Variants in ALOXE3 observed in about 807,000 individuals in gnomAD.
ALOXE3 encodes the protein arachidonate epidermal lipoxygenase 3.
ALOXE3 carries 78 observed loss-of-function variants against 87.5 expected under a neutral mutation model. The ratio of observed to expected loss-of-function variants is 0.89; its 90% CI spans 0.74 to 1.08. The LOEUF is 1.08. Ranked by LOEUF, ALOXE3 falls within the 50% of genes least tolerant of loss-of-function variation. ALOXE3 has a pLI of 0.00. For synonymous variants in ALOXE3, 363 were observed against 370.8 expected, an observed-to-expected ratio of 0.98 and a Z score of 0.24; for missense variants, 946 against 912.4, an observed-to-expected ratio of 1.04 and a Z score of -0.47.
At position 8,104,123 on chromosome 17, in the gene ALOXE3, T is replaced by C. The variant is rs936679646; in HGVS notation, c.1777A>G (p.Ser593Gly). ...NCSAQHAAVN[S>G]GQHDFGAWMP... The stretch of plus-strand genomic sequence containing the variant: ...GCCCTTTGTAGCCTCACCTGCCCAC[T>C]GTTGACAGCAGCGTGCTGGGCAGAG... The change falls in exon 14 of 16, where the codon AGT (serine) becomes GGT (glycine). Residue 593 changes from serine to glycine, a missense_variant. Coordinates refer to ENST00000448843, the MANE Select transcript of ALOXE3 (RefSeq NM_021628.3). 2.5e-5 allele frequency: 40 copies of C among 1,613,342 alleles called. No homozygotes were observed. Among genetic ancestry groups the C allele is most frequent in the Non-Finnish European group, 3.0e-5 (35 of 1,179,790 alleles).
chr17:8,097,780 C>A (rs1978642651), intron 15 of ALOXE3, among the ~76,000 whole-genome samples: 1 of 148,200 alleles, frequency 6.7e-6, no homozygotes, highest in South Asian at 2.1e-4. Context: ...CAGAGTCTCG[C>A]ACTGTCGCCC....
chr17:8,114,212 G>A (rs754424169), intron 6 of ALOXE3, among the ~76,000 whole-genome samples: 2 of 151,062 alleles, frequency 1.3e-5, no homozygotes, highest in Non-Finnish European at 2.9e-5. Context: ...GGAAAACCAC[G>A]AGGAGTTCAA....
At chr17:8,107,917 GAAA>G (rs1196421217) in intron 13 of ALOXE3, among the ~76,000 whole-genome samples, 4 of 6,026 alleles carry the variant, frequency 6.6e-4, no homozygotes, top group Admixed American at 1.4e-3. Flanking sequence ...AAGAAAGAAA[GAAA>G]GAAAGAAAGA....
intron 15 of ALOXE3, 89 bp downstream of exon 15, chr17:8,103,234 A>G: frequency 6.8e-7 from 1 of 1,479,454 alleles, no homozygotes; most frequent in Non-Finnish European, 9.4e-7. Context: ...AATCCCGTCG[A>G]TCAGTCCTCA....
At chr17:8,113,966 G>T (rs548565209) in intron 6 of ALOXE3, among the ~76,000 whole-genome samples, 1 of 151,294 alleles carries the variant, frequency 6.6e-6, no homozygotes, top group Admixed American at 6.6e-5. Flanking sequence ...CAGAGGTTGC[G>T]GTGAGCCGAG....
At position 8,108,491 on chromosome 17, in the gene ALOXE3, G is replaced by T. The variant is rs756964088; in HGVS notation, c.1661C>A (p.Ala554Glu). 1.9e-6 allele frequency: 3 copies of T among 1,613,124 alleles called. No individual in the cohort carries two copies. The East Asian group carries it at 6.7e-5, about 36-fold the overall frequency. ...ACCTGAGCTTTCCCGGCCCAGGAAC[G>T]CCTGAGCAAAAATCTCGCCAGTCCA... ...QAWTGEIFAQAFLGRESSGFP... is the reference protein window; with the variant it reads ...QAWTGEIFAQEFLGRESSGFP... The change falls in exon 13 of 16, where the codon GCG (alanine) becomes GAG (glutamate). Residue 554 changes from alanine (A) to glutamate (E), a missense_variant. Physicochemically the swap from Ala to Glu is moderately radical, Grantham distance 107 (BLOSUM62 -1). Coordinates refer to ENST00000448843, the MANE Select transcript of ALOXE3 (RefSeq NM_021628.3).
chr17:8,118,578 G>A, upstream of ALOXE3: 1 of 1,528,312 alleles, frequency 6.5e-7, no homozygotes. Context: ...GCCACACGCA[G>A]GTGAGTCGCA....
In ALOXE3 at chr17:8,107,958, AAAGG is replaced by A. The variant is rs1167815488; in HGVS notation, c.1684+506_1684+509del. 7.0e-3 allele frequency among the ~76,000 whole-genome samples: 22 copies of A among 3,158 alleles called. 7 individuals carry two copies. The highest frequency in any genetic ancestry group is 9.3e-3 in the East Asian group (6 of 646). 2.1% of individuals were successfully genotyped at this position (3,158 alleles called of 152,430 possible). On this transcript the variant is annotated intron_variant, in intron 13 of 15. Coordinates refer to ENST00000448843, the MANE Select transcript of ALOXE3 (RefSeq NM_021628.3). ...GAAAGAAAGAAAGAAAGAAAGAAAG[AAAGG>A]AAGGAGAGAGAGAGAGAGAGAAAGA...
Position 8,109,912 on chromosome 17 carries a change from G to T in ALOXE3, c.1392+4C>A. On this transcript the variant is annotated splice_donor_region_variant and intron_variant, in intron 11 of 15. Transcript: ENST00000448843. ...AGATCAGTGACCCGGCAGGGAGGCC[G>T]CACCTGGTCCACGAGGCCCTCGGGG... The T allele has an allele frequency of 1.3e-6, 2 of 1,549,142 alleles. No homozygotes were observed. The highest frequency in any genetic ancestry group is 1.4e-5 in the African/African-American group (1 of 73,124).
intron 12 of ALOXE3, among the ~76,000 whole-genome samples, chr17:8,108,832 G>A (rs899202518): frequency 6.6e-6 from 1 of 152,058 alleles, no homozygotes; most frequent in Non-Finnish European, 1.5e-5. Context: ...GGGAGTGCAC[G>A]AAGAGTCTGA....
intron 7 of ALOXE3, among the ~76,000 whole-genome samples, 164 bp downstream of exon 7, chr17:8,111,929 G>T (rs1334972156): frequency 1.3e-5 from 2 of 152,144 alleles, no homozygotes; most frequent in African/African-American, 4.8e-5. Flanking sequence ...TTGTTCTCCA[G>T]AGGAATCTGG....
chr17:8,111,289 C>T, intron 8 of ALOXE3, 70 bp downstream of exon 8: 1 of 1,586,542 alleles, frequency 6.3e-7, no homozygotes, highest in Non-Finnish European at 8.6e-7. Context: ...CCTCCACACA[C>T]ATCCCTTGTC....
rs753847725 is a variant in ALOXE3 at position 8,111,472 on chromosome 17, C to T, written c.844G>A (p.Val282Ile). Residue 282 changes from valine to isoleucine, a missense_variant, in exon 8 of 16, where the codon GTC becomes ATC. Val to Ile is a conservative substitution (Grantham distance 29). Transcript: ENST00000448843. ...HFFGYQYLNG[V>I]NPVMLHCISS... ...ATGCAGTGGAGCATGACGGGATTGACACCATTCAGGTACTGGTACCCAAAG... is the reference window on the plus strand; with the variant it reads ...ATGCAGTGGAGCATGACGGGATTGATACCATTCAGGTACTGGTACCCAAAG... The T allele has an allele frequency of 5.0e-6, 8 of 1,614,082 alleles. No homozygotes were observed. The African/African-American group carries it at 9.3e-5, about 19-fold the overall frequency.
At position 8,114,622 on chromosome 17, in the gene ALOXE3, G is replaced by T; in HGVS notation, c.555-13C>A. 6.2e-7 allele frequency: 1 copy of T among 1,613,884 alleles called. No homozygotes were observed. Among genetic ancestry groups the T allele is most frequent in the Non-Finnish European group, 8.5e-7 (1 of 1,179,944 alleles). On this transcript the variant is annotated splice_polypyrimidine_tract_variant and intron_variant, in intron 5 of 15. Transcript: ENST00000448843. ...CCGATTCCCACTGCTGGGGGTCGGGGGAGTAGAAAGACAGAAACCAGTCAG... is the reference window on the plus strand; with the variant it reads ...CCGATTCCCACTGCTGGGGGTCGGGTGAGTAGAAAGACAGAAACCAGTCAG...
In ALOXE3 at chr17:8,103,390, G is replaced by A. The variant is rs147149459; in HGVS notation, c.1889C>T (p.Pro630Leu). ...TTLKTYLDTLPEVNISCNNLL... is the reference protein window; with the variant it reads ...TTLKTYLDTLLEVNISCNNLL... Reference sequence around the variant, plus strand: ...GTTGTTACAGCTGATGTTCACTTCAGGGAGGGTGTCTAGGTAAGTCTTCAG... The same window carrying A: ...GTTGTTACAGCTGATGTTCACTTCAAGGAGGGTGTCTAGGTAAGTCTTCAG... The change falls in exon 15 of 16, where the codon CCT becomes CTT. Residue 630 changes from proline (P) to leucine (L), a missense_variant. Pro to Leu is a moderately conservative substitution (Grantham distance 98). Transcript: ENST00000448843. 2,811 of 1,614,128 alleles carry A rather than the reference G, an allele frequency of 1.7e-3. 2 individuals carry two copies. The highest frequency in any genetic ancestry group is 2.3e-3 in the Non-Finnish European group (2,706 of 1,180,022).
chr17:8,117,035 C>T lies in ALOXE3; in HGVS notation c.148-55G>A. On this transcript the variant is annotated intron_variant, in intron 2 of 15. Transcript: ENST00000448843. ...GAGGCGGGGAACTGCCAAGGCGGTC[C>T]TTGCGCCTTGCAAGATGCATCTACA... 2.0e-6 allele frequency: 3 copies of T among 1,520,522 alleles called. No homozygotes were observed. In the East Asian group the frequency reaches 7.0e-5, roughly 35 times the overall value. The allele number at this position is 1,520,522 out of a possible 1,614,324, so 94.2% of individuals were successfully genotyped here. A position where few individuals can be genotyped will look rare whatever the true frequency, so the allele number is the denominator to read the frequency against.
intron 15 of ALOXE3, among the ~76,000 whole-genome samples, chr17:8,099,616 G>A (rs1459624643): frequency 1.3e-5 from 2 of 151,066 alleles, no homozygotes; most frequent in East Asian, 3.9e-4. Context: ...AGCCGAGACC[G>A]CGCCACTGCA....
intron 15 of ALOXE3, among the ~76,000 whole-genome samples, chr17:8,098,114 G>C (rs764353360): frequency 6.6e-6 from 1 of 151,332 alleles, no homozygotes; most frequent in Admixed American, 6.6e-5. Flanking sequence ...CCAGATCAAT[G>C]TTAAATAGCA....
intron 8 of ALOXE3, among the ~76,000 whole-genome samples, chr17:8,110,729 C>A (rs1055389875): frequency 6.6e-6 from 1 of 152,196 alleles, no homozygotes; most frequent in African/African-American, 2.4e-5. Flanking sequence ...TGAGTCCCTC[C>A]TTGTGCAACA....
Sources: gnomAD v4.1 joint callset for allele counts (sites outside exome capture counted in the v4.1 genomes callset) on GRCh38, gnomAD v4.1.1 for gene constraint, MANE v1.5 for transcripts, NCBI Gene and HGNC (gene_info 2026-07-23, HGNC 2026-07-21) for gene names.